The following METAP1D variants were observed in gnomAD, a reference collection of about 807,000 sequenced individuals.
METAP1D encodes the protein methionyl aminopeptidase type 1D, mitochondrial.
A neutral mutation model predicts 40.5 loss-of-function variants in METAP1D; 31 were observed. That is an observed-to-expected ratio of 0.77 (90% CI 0.58 to 1.03). METAP1D has a LOEUF of 1.03. Among genes scored for constraint, METAP1D ranks in the 50% least tolerant of loss-of-function variants. The pLI, the probability that METAP1D is intolerant of heterozygous loss-of-function variation, is 0.00. For missense variants in METAP1D, 411 were observed against 420.7 expected (o/e 0.98, Z 0.20); for synonymous variants, 151 against 146.4 (o/e 1.03, Z -0.22).
Position 172,063,713 on chromosome 2 carries a change from C to T in METAP1D, c.201C>T (p.His67=), listed in dbSNP as rs756367766. ...GTTTTCAATCCTTTTTCCTCAAGCA[C>T]ATAAAGAAGCCAGACTATGTGACGA... ...AVSSAHPVPK[H]IKKPDYVTTG... Residue 67 remains histidine (H), a splice_region_variant and synonymous_variant, in exon 3 of 10, where the codon CAC becomes CAT. Coordinates refer to ENST00000315796, the MANE Select transcript of METAP1D (RefSeq NM_199227.3). The T allele has an allele frequency of 6.2e-7, 1 of 1,612,162 alleles. No homozygotes were observed. The highest frequency in any genetic ancestry group is 1.1e-5 in the South Asian group (1 of 90,936).
At chr2:172,060,172 T>C (rs1690105606) in intron 1 of METAP1D, among the ~76,000 whole-genome samples, 1 of 152,034 alleles carries the variant, frequency 6.6e-6, no homozygotes, top group Non-Finnish European at 1.5e-5. Context: ...CCTCAACACT[T>C]TGGGAGGCCG....
At chr2:172,012,337 G>A (rs1213967462) in intron 1 of METAP1D, among the ~76,000 whole-genome samples, 2 of 152,170 alleles carry the variant, frequency 1.3e-5, no homozygotes, top group Admixed American at 6.5e-5. Context: ...GAGCGCAGGG[G>A]CACTGCAATC....
At chr2:172,040,490 GC>G (rs1256695236) in intron 1 of METAP1D, among the ~76,000 whole-genome samples, 2 of 152,118 alleles carry the variant, frequency 1.3e-5, no homozygotes, top group Non-Finnish European at 2.9e-5. Context: ...GAGAGCATTT[GC>G]CCCAAGGGAG....
chr2:172,077,584 T>C (rs924026530), intron 6 of METAP1D, among the ~76,000 whole-genome samples: 2 of 152,250 alleles, frequency 1.3e-5, no homozygotes, highest in African/African-American at 4.8e-5. Flanking sequence ...GATATGTACC[T>C]TCTCTCTTCA....
intron 1 of METAP1D, among the ~76,000 whole-genome samples, chr2:172,038,748 G>A (rs145362046): frequency 1.3e-4 from 20 of 152,280 alleles, no homozygotes; most frequent in African/African-American, 4.8e-4. Flanking sequence ...AAAAGGAAAT[G>A]TGCATTACTA....
intron 1 of METAP1D, among the ~76,000 whole-genome samples, chr2:172,023,944 T>G (rs1273848338): frequency 6.6e-6 from 1 of 150,670 alleles, no homozygotes; most frequent in Non-Finnish European, 1.5e-5. Flanking sequence ...AAGCTCTGCC[T>G]CCTGGGTTCA....
At chr2:172,060,750 T>C (rs1690121362) in intron 1 of METAP1D, among the ~76,000 whole-genome samples, 1 of 152,240 alleles carries the variant, frequency 6.6e-6, no homozygotes, top group African/African-American at 2.4e-5. Flanking sequence ...TGGAAACATT[T>C]GAGTTGTTTC....
At chr2:172,002,863 T>G (rs1688496690) in intron 1 of METAP1D, among the ~76,000 whole-genome samples, 1 of 151,972 alleles carries the variant, frequency 6.6e-6, no homozygotes. Context: ...AGAGGAAGAC[T>G]TTTTTTTAAC....
At chr2:172,036,088 TGGGC>T (rs1689370102) in intron 1 of METAP1D, among the ~76,000 whole-genome samples, 1 of 151,906 alleles carries the variant, frequency 6.6e-6, no homozygotes. Flanking sequence ...GAGGCCAAGG[TGGGC>T]GGATCACTAG....
chr2:172,063,978 T>G (rs1202892059), intron 3 of METAP1D, 118 bp downstream of exon 3: 17 of 1,221,726 alleles, frequency 1.4e-5, no homozygotes, highest in Non-Finnish European at 1.6e-5. Context: ...AAAATTTATT[T>G]GTTTTAAATT....
chr2:172,001,521 G>C (rs962080380), intron 1 of METAP1D, among the ~76,000 whole-genome samples: 3 of 151,744 alleles, frequency 2.0e-5, no homozygotes, highest in Admixed American at 6.6e-5. Flanking sequence ...CTGGGCGACA[G>C]AGCGAGACTC....
chr2:172,063,083 G>A (rs1258271864), intron 2 of METAP1D, among the ~76,000 whole-genome samples: 1 of 152,084 alleles, frequency 6.6e-6, no homozygotes, highest in Non-Finnish European at 1.5e-5. Flanking sequence ...TGAGTTTTGG[G>A]GTGGCTTTTT....
chr2:172,007,129 T>A (rs947279987), intron 1 of METAP1D, among the ~76,000 whole-genome samples: 4 of 151,280 alleles, frequency 2.6e-5, no homozygotes, highest in Admixed American at 2.0e-4. Context: ...TTTTTTATTG[T>A]ACATTACGTT....
At chr2:172,026,980 T>C (rs1368199231) in intron 1 of METAP1D, among the ~76,000 whole-genome samples, 3 of 152,154 alleles carry the variant, frequency 2.0e-5, no homozygotes, top group Non-Finnish European at 4.4e-5. Flanking sequence ...CAATTCCCCA[T>C]ACCCCAGTAC....
At chr2:172,018,350 C>A (rs890450585) in intron 1 of METAP1D, among the ~76,000 whole-genome samples, 11 of 152,044 alleles carry the variant, frequency 7.2e-5, no homozygotes, top group African/African-American at 2.7e-4. Flanking sequence ...CAAAAAAAGA[C>A]CAGAAGCTGA....
chr2:172,007,724 C>G (rs917381182), intron 1 of METAP1D, among the ~76,000 whole-genome samples: 2 of 152,268 alleles, frequency 1.3e-5, no homozygotes, highest in Middle Eastern at 3.4e-3. Flanking sequence ...GACAGAGTCT[C>G]TGTTGCCCAG....
intron 1 of METAP1D, among the ~76,000 whole-genome samples, chr2:172,008,765 G>C (rs774345170): frequency 1.3e-5 from 2 of 151,980 alleles, no homozygotes; most frequent in Non-Finnish European, 2.9e-5. Context: ...AAATGCTTAC[G>C]TGATGAAGTG....
chr2:172,040,601 G>A lies in METAP1D; in HGVS notation c.41-20897G>A, dbSNP rs529820875. Reference sequence around the variant, plus strand: ...TAAATACACAGCGTTTTAGGAACTAGAGATATACAGAGTCCTTGTTCAGCG... The same window carrying A: ...TAAATACACAGCGTTTTAGGAACTAAAGATATACAGAGTCCTTGTTCAGCG... On this transcript the variant is annotated intron_variant, in intron 1 of 9. Coordinates refer to ENST00000315796, the MANE Select transcript of METAP1D (RefSeq NM_199227.3). Among the ~76,000 whole-genome samples the A allele has an allele frequency of 2.0e-5, 3 of 152,320 alleles. No homozygotes were observed. In the East Asian group the frequency reaches 5.8e-4, roughly 29 times the overall value.
Position 172,016,300 on chromosome 2 carries a change from A to AAAAT in METAP1D, c.40+16292_40+16293insAATA, listed in dbSNP as rs1553490378. Among the ~76,000 whole-genome samples, 207 of 39,970 alleles carry AAAAT rather than the reference A, an allele frequency of 5.2e-3. 4 individuals are homozygous for AAAAT. Among genetic ancestry groups the AAAAT allele is most frequent in the Non-Finnish European group, 6.8e-3 (147 of 21,726 alleles). The allele number at this position is 39,970 out of a possible 152,430, so 26.2% of individuals were successfully genotyped here. A position where few individuals can be genotyped will look rare whatever the true frequency, so the allele number is the denominator to read the frequency against. The stretch of plus-strand genomic sequence containing the variant: ...CAAAAAAAAAAAAAAAAAAAAAAAA[A>AAAAT]ATATATATATATATATATATATATA... On this transcript the variant is annotated intron_variant, in intron 1 of 9. Coordinates refer to ENST00000315796, the MANE Select transcript of METAP1D (RefSeq NM_199227.3).
Sources: allele counts gnomAD v4.1 joint callset (sites outside exome capture counted in the v4.1 genomes callset), GRCh38; gene constraint gnomAD v4.1.1; transcripts MANE v1.5; gene names NCBI Gene and HGNC (gene_info 2026-07-23, HGNC 2026-07-21).